The following DYNC1H1 variants were observed in gnomAD, a reference collection of about 807,000 sequenced individuals.
DYNC1H1 encodes cytoplasmic dynein 1 heavy chain 1.
Under a neutral mutation model 527.1 loss-of-function variants are expected in DYNC1H1, and 51 were observed. The observed-to-expected ratio is 0.10, with a 90% CI of 0.08 to 0.12. DYNC1H1 has a LOEUF of 0.12. DYNC1H1 is among the 10% of genes least tolerant of loss of function. DYNC1H1 has a pLI of 1.00. For missense variants in DYNC1H1, 2,771 were observed against 5,971.8 expected (o/e 0.46, Z 17.66); for synonymous variants, 2,189 against 2,278.8 (o/e 0.96, Z 1.12).
chr14:101,976,851 CAAAG>C (rs986125619), intron 2 of DYNC1H1, among the ~76,000 whole-genome samples: 3 of 152,068 alleles, frequency 2.0e-5, no homozygotes, highest in Admixed American at 6.5e-5. Flanking sequence ...ACAAAAATAA[CAAAG>C]AAAGCAAGTA....
At chr14:101,991,244 C>T (rs1406381685) in intron 10 of DYNC1H1, among the ~76,000 whole-genome samples, 4 of 152,010 alleles carry the variant, frequency 2.6e-5, no homozygotes, top group Non-Finnish European at 5.9e-5. Flanking sequence ...GAGGCTGAAG[C>T]GGGTGGATCA....
In DYNC1H1 at chr14:102,005,119, T is replaced by C. The variant is rs761933814; in HGVS notation, c.5316T>C (p.Gly1772=). ...VETALSSMGG[G]GDAAPLHSVL... is the part of the protein sequence containing the mutation. The stretch of plus-strand genomic sequence containing the variant: ...CCGCACTGAGCAGCATGGGCGGAGG[T>C]GGAGATGCCGCGCCCTTGCACTCTG... Residue 1772 remains glycine, a synonymous_variant, in exon 26 of 78, where the codon GGT becomes GGC. Coordinates refer to ENST00000360184, the MANE Select transcript of DYNC1H1 (RefSeq NM_001376.5). This position sits in a 1 kb window ranked among gnomAD's most constrained non-coding sequence, Gnocchi z 4.0. 1.4e-5 allele frequency: 23 copies of C among 1,613,880 alleles called. No individual in the cohort carries two copies. The highest frequency in any genetic ancestry group is 1.7e-5 in the Non-Finnish European group (20 of 1,180,016).
intron 18 of DYNC1H1, 151 bp from the exon 19 acceptor site, chr14:102,000,803 A>G: frequency 1.4e-6 from 1 of 719,372 alleles, no homozygotes; most frequent in South Asian, 1.5e-5. Flanking sequence ...CGAACTCCCG[A>G]CCTCAAGTGA....
chr14:101,975,595 T>C (rs1243134071), intron 1 of DYNC1H1, 117 bp from the exon 2 acceptor site: 4 of 903,096 alleles, frequency 4.4e-6, no homozygotes, highest in East Asian at 2.7e-5. Flanking sequence ...TGCCAAGTCA[T>C]GTAGGTGTCG....
chr14:102,030,473 C>G (rs1295770018), intron 51 of DYNC1H1, 191 bp downstream of exon 51: 2 of 750,892 alleles, frequency 2.7e-6, no homozygotes, highest in Non-Finnish European at 4.2e-6. Context: ...AGCAAAGTTC[C>G]TACAAAGCTA....
chr14:102,004,008 G>A (rs894891231), intron 23 of DYNC1H1, among the ~76,000 whole-genome samples: 9 of 151,868 alleles, frequency 5.9e-5, no homozygotes, highest in Non-Finnish European at 4.4e-5. Context: ...TTGGGTGGCC[G>A]AGGCGGGCGG....
chr14:102,032,703 A>G, intron 52 of DYNC1H1: 1 of 585,444 alleles, frequency 1.7e-6, no homozygotes, highest in Non-Finnish European at 3.0e-6. Context: ...AAATACAAAA[A>G]TGAGCTGGGC....
rs1361977985 is a variant in DYNC1H1 at position 101,997,827 on chromosome 14, G to A, written c.3804+553G>A. On this transcript the variant is annotated intron_variant, in intron 16 of 77. Coordinates refer to ENST00000360184, the MANE Select transcript of DYNC1H1 (RefSeq NM_001376.5). This position sits in a 1 kb window ranked among gnomAD's most constrained non-coding sequence, Gnocchi z 4.8. Reference sequence around the variant, plus strand: ...ATATAGCAGTGAGTGAAAAGGACAAGAGCCTCCTACCTTCATGGAATCACG... The same window carrying A: ...ATATAGCAGTGAGTGAAAAGGACAAAAGCCTCCTACCTTCATGGAATCACG... Among the ~76,000 whole-genome samples the A allele has an allele frequency of 6.6e-6, 1 of 152,198 alleles. No homozygotes were observed. The highest frequency in any genetic ancestry group is 1.5e-5 in the Non-Finnish European group (1 of 68,040).
intron 56 of DYNC1H1, 139 bp downstream of exon 56, chr14:102,034,591 C>A: frequency 7.3e-7 from 1 of 1,373,190 alleles, no homozygotes; most frequent in Non-Finnish European, 1.0e-6. Flanking sequence ...TGGTGCTCCT[C>A]TGATGGTGGG....
intron 11 of DYNC1H1, among the ~76,000 whole-genome samples, chr14:101,993,340 A>G (rs1490854461): frequency 6.6e-6 from 1 of 152,104 alleles, no homozygotes; most frequent in Non-Finnish European, 1.5e-5. Flanking sequence ...TCTGTTTTCA[A>G]CACAGCAGCC....
At position 102,036,893 on chromosome 14, in the gene DYNC1H1, G is replaced by A. The variant is rs2048582301; in HGVS notation, c.10908+251G>A. ...GGCCGAGGCGGGTGGATCATCTAAG[G>A]TCAGGAATTCAAGAAAAGCCTGGCT... On this transcript the variant is annotated intron_variant, in intron 57 of 77. Transcript: ENST00000360184. The surrounding 1 kb of genome is among the most constrained non-coding windows in gnomAD (Gnocchi z 5.6). The A allele has an allele frequency of 2.0e-5, 8 of 409,470 alleles. No homozygotes were observed. Among genetic ancestry groups the A allele is most frequent in the South Asian group, 6.2e-5 (3 of 48,036 alleles). The allele number at this position is 409,470 out of a possible 1,614,324, so 25.4% of individuals were successfully genotyped here. A position where few individuals can be genotyped will look rare whatever the true frequency, so the allele number is the denominator to read the frequency against.
chr14:101,970,473 G>T (rs2474682), intron 1 of DYNC1H1, among the ~76,000 whole-genome samples: 25,991 of 82,260 alleles, frequency 0.32, 6,233 homozygotes, highest in African/African-American at 0.65. Flanking sequence ...GTTTGTTGTT[G>T]TTTTTTTTTT....
Position 102,029,707 on chromosome 14 carries a change from G to A in DYNC1H1, c.9637G>A (p.Asp3213Asn). Reference protein sequence around the residue: ...VGLRKIKETVDQVEELRRDLR... With the variant: ...VGLRKIKETVNQVEELRRDLR... ...GCTCAGGAAGATCAAAGAGACAGTC[G>A]ACCAGGTGCGTCACAGGCACAAATT... is the stretch of plus-strand genomic sequence containing the variant. The change falls in exon 49 of 78, where the codon GAC becomes AAC. Residue 3213 changes from aspartate to asparagine, a missense_variant. By Grantham distance (23) the Asp-to-Asn change is conservative. Around this residue, in one of 32 missense-constraint regions of DYNC1H1, gnomAD observed 30 missense variants for 117.8 expected, o/e 0.25. Coordinates refer to ENST00000360184, the MANE Select transcript of DYNC1H1 (RefSeq NM_001376.5). The surrounding 1 kb of genome is among the most constrained non-coding windows in gnomAD (Gnocchi z 5.3). The A allele has an allele frequency of 6.2e-7, 1 of 1,614,126 alleles. No homozygotes were observed. The highest frequency in any genetic ancestry group is 8.5e-7 in the Non-Finnish European group (1 of 1,180,024).
rs776267850 is a variant in DYNC1H1 at position 102,049,606 on chromosome 14, C to G, written c.13515+24C>G. The G allele has an allele frequency of 3.1e-6, 5 of 1,613,446 alleles. No individual in the cohort carries two copies. Among genetic ancestry groups the G allele is most frequent in the Non-Finnish European group, 4.2e-6 (5 of 1,180,020 alleles). On this transcript the variant is annotated intron_variant, in intron 75 of 77. Coordinates refer to ENST00000360184, the MANE Select transcript of DYNC1H1 (RefSeq NM_001376.5). The surrounding 1 kb of genome is among the most constrained non-coding windows in gnomAD (Gnocchi z 5.5). ...AGGTGAAGGCGCTCCTGACGAGTCTCGGGTGGTCAGCAGCTGTCCTGGGCT... is the reference window on the plus strand; with the variant it reads ...AGGTGAAGGCGCTCCTGACGAGTCTGGGGTGGTCAGCAGCTGTCCTGGGCT...
chr14:102,001,806 C>CT lies in DYNC1H1; in HGVS notation c.4542+126dup, dbSNP rs2048133886. The CT allele has an allele frequency of 7.4e-7, 1 of 1,342,512 alleles. No individual in the cohort carries two copies. The highest frequency in any genetic ancestry group is 1.0e-6 in the Non-Finnish European group (1 of 965,098). The allele number at this position is 1,342,512 out of a possible 1,614,324, so 83.2% of individuals were successfully genotyped here. ...GTATTTTTTGAGACAGGGTCTCACT[C>CT]TGTCTCCCACGCTGGAGTGCAGTGG... On this transcript the variant is annotated intron_variant, in intron 21 of 77. Coordinates refer to ENST00000360184, the MANE Select transcript of DYNC1H1 (RefSeq NM_001376.5). The surrounding 1 kb of genome is among the most constrained non-coding windows in gnomAD (Gnocchi z 5.0).
chr14:102,046,783 C>T (rs956864472), intron 72 of DYNC1H1, among the ~76,000 whole-genome samples: 1 of 151,070 alleles, frequency 6.6e-6, no homozygotes, highest in Non-Finnish European at 1.5e-5. Flanking sequence ...TCTTTGGACT[C>T]GGGCTGCTGG....
rs1046581812 is a variant in DYNC1H1, at chr14:102,019,052, A to G, written c.8343+436A>G. 2.6e-5 allele frequency among the ~76,000 whole-genome samples: 4 copies of G among 152,244 alleles called. No individual in the cohort carries two copies. The South Asian group carries it at 6.2e-4, about 24-fold the overall frequency. ...GGTCTGTCATCAAAGTCACTTTTCT[A>G]TGCAGGTGCTAAGACTGCTGACATT... On this transcript the variant is annotated intron_variant, in intron 41 of 77. Transcript: ENST00000360184.
chr14:102,008,009 C>A (rs2048216999), intron 28 of DYNC1H1, among the ~76,000 whole-genome samples, 169 bp from the exon 29 acceptor site: 1 of 152,188 alleles, frequency 6.6e-6, no homozygotes, highest in Non-Finnish European at 1.5e-5. Context: ...GATCAGCGGC[C>A]CCAACCCTTA....
At chr14:101,976,040 T>C (rs2047796569) in intron 2 of DYNC1H1, among the ~76,000 whole-genome samples, 2 of 151,602 alleles carry the variant, frequency 1.3e-5, no homozygotes, top group Non-Finnish European at 1.5e-5. Flanking sequence ...TCCAGGTAGC[T>C]GGGATTGCAG....
Sources: gnomAD v4.1 joint callset for allele counts (sites outside exome capture counted in the v4.1 genomes callset) on GRCh38, gnomAD v4.1.1 for gene constraint, gnomAD v4.1.1 regional missense constraint, Gnocchi (gnomAD v3.1) non-coding constraint, MANE v1.5 for transcripts, NCBI Gene and HGNC (gene_info 2026-07-23, HGNC 2026-07-21) for gene names.